RBBP6: variants seen among roughly 807,000 people sequenced by gnomAD.
The protein encoded by RBBP6 is E3 ubiquitin-protein ligase RBBP6.
RBBP6 carries 25 observed loss-of-function variants against 167.7 expected under a neutral mutation model. That is an observed-to-expected ratio of 0.15 (90% CI 0.11 to 0.21). The LOEUF (loss-of-function observed/expected upper bound fraction) is 0.21. RBBP6 is among the 10% of genes least tolerant of loss of function. The probability of loss-of-function intolerance (pLI) is 1.00; values close to 1 mark genes in which losing one functional copy is unlikely to be tolerated. For synonymous variants in RBBP6, 789 were observed against 735.8 expected (o/e 1.07, Z -1.17); for missense variants, 1,868 against 2,134.2 (o/e 0.88, Z 2.46).
At position 24,561,852 on chromosome 16, in the gene RBBP6, G is replaced by A; in HGVS notation, c.980G>A (p.Gly327Asp). 6.2e-7 allele frequency: 1 copy of A among 1,611,820 alleles called. No homozygotes were observed. Among genetic ancestry groups the A allele is most frequent in the Non-Finnish European group, 8.5e-7 (1 of 1,178,884 alleles). ...GTAAATAACTTCAAAAATGAAACTGGCTATACAAAAAGACTACGAAAACAG... is the reference window on the plus strand; with the variant it reads ...GTAAATAACTTCAAAAATGAAACTGACTATACAAAAAGACTACGAAAACAG... Reference protein sequence around the residue: ...QAVNNFKNETGYTKRLRKQLP... With the variant: ...QAVNNFKNETDYTKRLRKQLP... The change falls in exon 10 of 18, where the codon GGC becomes GAC. Residue 327 changes from glycine to aspartate, a missense_variant. This residue lies in a region of RBBP6 where 245 missense variants were observed against 240.1 expected (regional missense o/e 1.02). Coordinates refer to ENST00000319715, the MANE Select transcript of RBBP6 (RefSeq NM_006910.5).
intron 3 of RBBP6, among the ~76,000 whole-genome samples, chr16:24,550,417 G>T (rs1898771368): frequency 7.0e-6 from 1 of 142,146 alleles, no homozygotes; most frequent in Non-Finnish European, 1.5e-5. Context: ...CCAAGCTTAT[G>T]TTTTGCTGGT....
At chr16:24,562,192 C>T (rs1304786609) in intron 10 of RBBP6, 31 bp downstream of exon 10, 1 of 1,533,228 alleles carries the variant, frequency 6.5e-7, no homozygotes, top group African/African-American at 1.4e-5. Context: ...CTGTTAGAAA[C>T]CAAATGAGGT....
chr16:24,563,529 T>G, intron 12 of RBBP6, 28 bp downstream of exon 12: 1 of 1,607,596 alleles, frequency 6.2e-7, no homozygotes, highest in Non-Finnish European at 8.5e-7. Flanking sequence ...GGTTTAGACC[T>G]TTTTCCCTTT....
chr16:24,558,569 T>C, intron 7 of RBBP6: 2 of 854,470 alleles, frequency 2.3e-6, no homozygotes, highest in Non-Finnish European at 2.8e-6. Flanking sequence ...TTCTTTCATT[T>C]TCAGCATTGA....
intron 1 of RBBP6, among the ~76,000 whole-genome samples, chr16:24,542,711 C>T (rs1457185787): frequency 6.6e-6 from 1 of 152,180 alleles, no homozygotes; most frequent in East Asian, 1.9e-4. Flanking sequence ...GATCCACCCA[C>T]CTGGGTCTCC....
In RBBP6 at chr16:24,539,636, C is replaced by G. The variant is rs929952185; in HGVS notation, c.-991C>G. On this transcript the variant is annotated 5_prime_UTR_variant, in exon 1 of 18. Transcript: ENST00000319715. ...CTGGCTTGGAGGTGTCGCCGCCGCT[C>G]GGTGAGAGCCCCCGAGCGGCAGGGG... 1.3e-5 allele frequency: 2 copies of G among 152,120 alleles called. No homozygotes were observed. Among genetic ancestry groups the G allele is most frequent in the East Asian group, 1.9e-4 (1 of 5,154 alleles). The allele number at this position is 152,120 out of a possible 1,614,324, so 9.4% of individuals were successfully genotyped here.
Position 24,563,787 on chromosome 16 carries a change from T to G in RBBP6, c.1520+123T>G, listed in dbSNP as rs947228657. On this transcript the variant is annotated intron_variant, in intron 13 of 17. Coordinates refer to ENST00000319715, the MANE Select transcript of RBBP6 (RefSeq NM_006910.5). ...GGCAGCGGGTCGCTGCTCTTTATTG[T>G]AAACTTTCATGTGCCAGATTAACAT... is the stretch of plus-strand genomic sequence containing the variant. The G allele has an allele frequency of 1.6e-5, 12 of 759,258 alleles. No individual in the cohort carries two copies. The African/African-American group carries it at 2.0e-4, about 13-fold the overall frequency. The allele number at this position is 759,258 out of a possible 1,614,324, so 47.0% of individuals were successfully genotyped here. A position where few individuals can be genotyped will look rare whatever the true frequency, so the allele number is the denominator to read the frequency against.
rs1178861502 is a variant in RBBP6, at chr16:24,563,371, T to C, written c.1387-52T>C. 9.6e-5 allele frequency: 14 copies of C among 146,248 alleles called. No individual in the cohort carries two copies. The East Asian group carries it at 2.5e-3, about 26-fold the overall frequency. The allele number at this position is 146,248 out of a possible 1,614,324, so 9.1% of individuals were successfully genotyped here. On this transcript the variant is annotated intron_variant, in intron 11 of 17. Coordinates refer to ENST00000319715, the MANE Select transcript of RBBP6 (RefSeq NM_006910.5). ...GTTTTTCTGGCTTTGTTCTTACCTC[T>C]TTTTTTTTTTTTTTTTTAACTATTT... is the stretch of plus-strand genomic sequence containing the variant.
In RBBP6 at chr16:24,572,286, ACATAAAAAG is replaced by A. The variant is rs1350470049; in HGVS notation, c.5226_5234del (p.Lys1748_His1750del). 6.2e-7 allele frequency: 1 copy of A among 1,603,546 alleles called. No homozygotes were observed. The highest frequency in any genetic ancestry group is 1.3e-5 in the African/African-American group (1 of 74,572). On this transcript the variant is annotated inframe_deletion, in exon 18 of 18. Transcript: ENST00000319715. ...AGAAGGAAAAGAAAAAACACAAGAA[ACATAAAAAG>A]CATAAGAAGCATAAGAAACATGCAG...
Position 24,555,761 on chromosome 16 carries a change from A to T in RBBP6, c.437+58A>T, listed in dbSNP as rs190990510. ...CTTTTGGGGTGGGTTTTCCCCCCCA[A>T]TCAAAAGCACTATTTTTTCAAAGTC... is the stretch of plus-strand genomic sequence containing the variant. On this transcript the variant is annotated intron_variant, in intron 5 of 17. Transcript: ENST00000319715. 5,021 of 1,588,002 alleles carry T rather than the reference A, an allele frequency of 3.2e-3. 16 individuals are homozygous for T. The highest frequency in any genetic ancestry group is 3.3e-3 in the Non-Finnish European group (3,830 of 1,157,422).
Position 24,570,199 on chromosome 16 carries a change from T to C in RBBP6, c.3509T>C (p.Leu1170Pro), listed in dbSNP as rs905804174. ...TCTTCTTCAATGAAAATCTCGAAAC[T>C]AGAAGTGACTGAAATAGTGAAACCA... The part of the protein sequence containing the change: ...FESSSMKISK[L>P]EVTEIVKPSP... Residue 1170 changes from leucine (L) to proline (P), a missense_variant, in exon 17 of 18, where the codon CTA becomes CCA. Physicochemically the swap from Leu to Pro is moderately conservative, Grantham distance 98. Coordinates refer to ENST00000319715, the MANE Select transcript of RBBP6 (RefSeq NM_006910.5). 8 of 1,609,408 alleles carry C rather than the reference T, an allele frequency of 5.0e-6. No individual in the cohort carries two copies. The highest frequency in any genetic ancestry group is 2.7e-5 in the African/African-American group (2 of 74,540).
chr16:24,568,910 G>A lies in RBBP6; in HGVS notation c.2220G>A (p.Lys740=), dbSNP rs1454359089. 1 of 1,614,232 alleles carries A rather than the reference G, an allele frequency of 6.2e-7. No homozygotes were observed. The highest frequency in any genetic ancestry group is 1.1e-5 in the South Asian group (1 of 91,084). ...SPPYPRRGRG[K]SRNYRSRSRS... Reference sequence around the variant, plus strand: ...CATACCCCAGAAGAGGCAGAGGCAAGAGCCGCAATTACCGTTCACGGTCTA... The same window carrying A: ...CATACCCCAGAAGAGGCAGAGGCAAAAGCCGCAATTACCGTTCACGGTCTA... The change falls in exon 17 of 18, where the codon AAG becomes AAA. Residue 740 remains lysine, a synonymous_variant. Transcript: ENST00000319715.
rs1354146998 is a variant in RBBP6 at position 24,571,393 on chromosome 16, C to A, written c.4327C>A (p.Leu1443Met). Residue 1443 changes from leucine to methionine, a missense_variant, in exon 18 of 18, where the codon CTG (leucine) becomes ATG (methionine). Around this residue, in one of 7 missense-constraint regions of RBBP6, gnomAD observed 591 missense variants for 540.5 expected, o/e 1.09. Coordinates refer to ENST00000319715, the MANE Select transcript of RBBP6 (RefSeq NM_006910.5). ...RLNEQGNFKSLSQSSKEARTS... is the reference protein window; with the variant it reads ...RLNEQGNFKSMSQSSKEARTS... Reference sequence around the variant, plus strand: ...GAATGAACAAGGAAATTTTAAAAGTCTGTCTCAATCTTCCAAAGAGGCTAG... The same window carrying A: ...GAATGAACAAGGAAATTTTAAAAGTATGTCTCAATCTTCCAAAGAGGCTAG... 2 of 1,613,928 alleles carry A rather than the reference C, an allele frequency of 1.2e-6. No individual in the cohort carries two copies. The highest frequency in any genetic ancestry group is 2.2e-5 in the South Asian group (2 of 91,060).
In RBBP6 at chr16:24,560,369, G is replaced by A. The variant is rs769103370; in HGVS notation, c.847+692G>A. On this transcript the variant is annotated intron_variant, in intron 8 of 17. Transcript: ENST00000319715. ...GATCCGCCCACCTCGGCCTCCCCAA[G>A]TGCTGGGATTACAGGCGTGAGCCAC... Among the ~76,000 whole-genome samples the A allele has an allele frequency of 7.4e-4, 113 of 152,186 alleles. 1 individual carries two copies. Among genetic ancestry groups the A allele is most frequent in the Non-Finnish European group, 1.3e-3 (91 of 68,036 alleles).
In RBBP6 at chr16:24,569,977, C is replaced by G; in HGVS notation, c.3287C>G (p.Ala1096Gly). Residue 1096 changes from alanine to glycine, a missense_variant, in exon 17 of 18, where the codon GCA (alanine) becomes GGA (glycine). Transcript: ENST00000319715. ...GTPRKAHSKS[A>G]KEHQETKPVK... ...CCCAGAAAAGCTCACTCTAAATCAG[C>G]AAAAGAACACCAAGAAACAAAACCA... is the stretch of plus-strand genomic sequence containing the variant. 6.3e-7 allele frequency: 1 copy of G among 1,596,330 alleles called. No individual in the cohort carries two copies. The highest frequency in any genetic ancestry group is 8.5e-7 in the Non-Finnish European group (1 of 1,175,766).
chr16:24,570,368 A>C lies in RBBP6; in HGVS notation c.3678A>C (p.Ser1226=). Residue 1226 remains serine, a synonymous_variant, in exon 17 of 18, where the codon TCA becomes TCC. Coordinates refer to ENST00000319715, the MANE Select transcript of RBBP6 (RefSeq NM_006910.5). ...GKKIGSTENI[S]NTKEPSEKLE... ...AAATTGGAAGTACAGAAAATATATC[A>C]AACACAAAAGAACCCTCTGAAAAAT... is the stretch of plus-strand genomic sequence containing the variant. The C allele has an allele frequency of 6.2e-7, 1 of 1,613,258 alleles. No homozygotes were observed.
At chr16:24,549,286 C>T (rs1292064601) in intron 3 of RBBP6, 1 of 1,193,666 alleles carries the variant, frequency 8.4e-7, no homozygotes, top group Non-Finnish European at 1.0e-6. Flanking sequence ...TTAGGTTTTA[C>T]ACTAAGGAAC....
chr16:24,561,485 T>G, intron 8 of RBBP6, 127 bp from the exon 9 acceptor site: 1 of 761,724 alleles, frequency 1.3e-6, no homozygotes, highest in Non-Finnish European at 2.1e-6. Context: ...ATCTAAGAAA[T>G]GATTAGCACG....
chr16:24,551,391 G>C (rs1456071017), intron 3 of RBBP6, among the ~76,000 whole-genome samples: 3 of 151,530 alleles, frequency 2.0e-5, no homozygotes, highest in African/African-American at 7.3e-5. Flanking sequence ...ACCATTCTTT[G>C]TCAACATTTT....
Sources: allele counts gnomAD v4.1 joint callset (sites outside exome capture counted in the v4.1 genomes callset), GRCh38; gene constraint gnomAD v4.1.1; regional missense constraint gnomAD v4.1.1; transcripts MANE v1.5; gene names NCBI Gene and HGNC (gene_info 2026-07-23, HGNC 2026-07-21).